The following BCAS3 variants were observed in gnomAD, a reference collection of about 807,000 sequenced individuals.
The protein encoded by BCAS3 is BCAS4/BCAS3 fusion.
A neutral mutation model predicts 116.1 loss-of-function variants in BCAS3; 53 were observed. The observed-to-expected ratio is 0.46, with a 90% CI of 0.37 to 0.57. The LOEUF (loss-of-function observed/expected upper bound fraction) is 0.57, where lower values mean the gene tolerates loss of function less well. BCAS3 is among the 20% of genes least tolerant of loss of function. BCAS3 has a pLI of 0.00. For synonymous variants in BCAS3, 391 were observed against 408.2 expected (o/e 0.96, Z 0.51); for missense variants, 917 against 1,165.4 (o/e 0.79, Z 3.10).
chr17:60,805,058 TAC>T (rs760769619), intron 6 of BCAS3, among the ~76,000 whole-genome samples: 129 of 149,452 alleles, frequency 8.6e-4, no homozygotes, highest in Non-Finnish European at 1.3e-3. Flanking sequence ...CTTAAGTAAA[TAC>T]ACACACACAC....
At chr17:61,119,581 T>C (rs1389389898) in intron 22 of BCAS3, among the ~76,000 whole-genome samples, 1 of 152,090 alleles carries the variant, frequency 6.6e-6, no homozygotes, top group East Asian at 1.9e-4. Context: ...TCATATTTAA[T>C]ATGAAATACT....
At chr17:61,070,516 G>T (rs2071324828) in intron 19 of BCAS3, among the ~76,000 whole-genome samples, 2 of 150,718 alleles carry the variant, frequency 1.3e-5, no homozygotes, top group South Asian at 4.2e-4. Flanking sequence ...TGTAATTTCA[G>T]ATGATTCAAT....
At chr17:61,094,618 C>A (rs1374102161) in intron 22 of BCAS3, among the ~76,000 whole-genome samples, 1 of 152,122 alleles carries the variant, frequency 6.6e-6, no homozygotes, top group Non-Finnish European at 1.5e-5. Flanking sequence ...GAGGCCAAGG[C>A]GGGTGGATCA....
At chr17:61,119,383 T>C (rs2075665326) in intron 22 of BCAS3, among the ~76,000 whole-genome samples, 1 of 152,164 alleles carries the variant, frequency 6.6e-6, no homozygotes, top group Non-Finnish European at 1.5e-5. Flanking sequence ...TCCCATATTA[T>C]AAAATATATT....
intron 14 of BCAS3, among the ~76,000 whole-genome samples, chr17:60,974,702 T>C (rs1320807795): frequency 1.3e-5 from 2 of 152,198 alleles, no homozygotes; most frequent in African/African-American, 4.8e-5. Flanking sequence ...ATTTAATGAA[T>C]GGTAAATTAC....
intron 4 of BCAS3, among the ~76,000 whole-genome samples, chr17:60,707,328 A>G (rs1005312401): frequency 2.0e-5 from 3 of 151,280 alleles, no homozygotes; most frequent in African/African-American, 7.3e-5. Context: ...GGGTTTCGCC[A>G]TGTTGCCCAG....
At chr17:60,744,564 C>T (rs570083915) in intron 5 of BCAS3, among the ~76,000 whole-genome samples, 4 of 152,174 alleles carry the variant, frequency 2.6e-5, no homozygotes, top group South Asian at 4.1e-4. Context: ...GTTCTCTCCT[C>T]GAGGAAGTTT....
chr17:60,841,766 C>G (rs1162942465), intron 7 of BCAS3, among the ~76,000 whole-genome samples: 1 of 151,936 alleles, frequency 6.6e-6, no homozygotes, highest in Non-Finnish European at 1.5e-5. Context: ...GAGTAAAGGT[C>G]TCATCTGAGG....
At chr17:61,176,138 CAAAAAAAAAAAAAA>C (rs534042215) in intron 22 of BCAS3, among the ~76,000 whole-genome samples, 1 of 50,046 alleles carries the variant, frequency 2.0e-5, no homozygotes, top group African/African-American at 6.6e-5. Context: ...GACCCTATCT[CAAAAAAAAAAAAAA>C]AAAAAAAAAG....
chr17:60,905,830 A>G (rs1353831463), intron 11 of BCAS3, among the ~76,000 whole-genome samples: 1 of 152,190 alleles, frequency 6.6e-6, no homozygotes, highest in African/African-American at 2.4e-5. Flanking sequence ...TGAGGAGGTC[A>G]TGTTTGATTT....
chr17:60,856,545 G>A (rs1240546873), intron 7 of BCAS3, among the ~76,000 whole-genome samples: 2 of 152,032 alleles, frequency 1.3e-5, no homozygotes, highest in Non-Finnish European at 2.9e-5. Flanking sequence ...AAAAAAATTA[G>A]CCAGGTGTGG....
chr17:60,728,632 G>T (rs994163382), intron 5 of BCAS3, among the ~76,000 whole-genome samples: 8 of 151,578 alleles, frequency 5.3e-5, no homozygotes, highest in Non-Finnish European at 8.8e-5. Flanking sequence ...GGTGCCCGCC[G>T]CCATGCCCAG....
chr17:60,932,464 G>A (rs192049409), intron 13 of BCAS3, among the ~76,000 whole-genome samples: 5 of 152,256 alleles, frequency 3.3e-5, no homozygotes, highest in Admixed American at 2.0e-4. Flanking sequence ...TTGTCTGGCC[G>A]GGCACGGTGG....
intron 7 of BCAS3, among the ~76,000 whole-genome samples, chr17:60,827,070 A>G (rs963846040): frequency 1.3e-5 from 2 of 152,234 alleles, no homozygotes; most frequent in Non-Finnish European, 2.9e-5. Flanking sequence ...GAATAATGGA[A>G]CTAACAAGGG....
rs528854588 is a variant in BCAS3 at position 61,323,076 on chromosome 17, TA to T, written c.2426-45241del. On this transcript the variant is annotated intron_variant, in intron 22 of 23. Transcript: ENST00000407086. This position sits in a 1 kb window ranked among gnomAD's most constrained non-coding sequence, Gnocchi z 4.6. ...TGATTGAGCTGCTAAGCAGTTGGTT[TA>T]AAAAAAAAATGAAAGAAAAAGGAGA... Among the ~76,000 whole-genome samples the T allele has an allele frequency of 0.023, 3,461 of 149,310 alleles. 133 individuals are homozygous for T. The highest frequency in any genetic ancestry group is 0.079 in the African/African-American group (3,237 of 40,768).
At chr17:61,062,617 A>C (rs940233830) in intron 19 of BCAS3, among the ~76,000 whole-genome samples, 18 of 152,144 alleles carry the variant, frequency 1.2e-4, no homozygotes, top group Non-Finnish European at 2.9e-5. Context: ...ATATGAGGGG[A>C]CTTCAAAAAG....
At position 61,327,824 on chromosome 17, in the gene BCAS3, A is replaced by G. The variant is rs2055866020; in HGVS notation, c.2426-40503A>G. Among the ~76,000 whole-genome samples, 1 of 152,220 alleles carries G rather than the reference A, an allele frequency of 6.6e-6. No homozygotes were observed. Among genetic ancestry groups the G allele is most frequent in the Non-Finnish European group, 1.5e-5 (1 of 68,046 alleles). On this transcript the variant is annotated intron_variant, in intron 22 of 23. Coordinates refer to ENST00000407086, the MANE Select transcript of BCAS3 (RefSeq NM_017679.5). This position sits in a 1 kb window ranked among gnomAD's most constrained non-coding sequence, Gnocchi z 5.9. ...TGCGCCCTGCCCAAGATCTGACTGA[A>G]TAACACAAAGGTGACATCCAGTTCA...
intron 12 of BCAS3, among the ~76,000 whole-genome samples, chr17:60,920,646 A>G (rs984996087): frequency 1.3e-5 from 2 of 152,050 alleles, no homozygotes; most frequent in African/African-American, 4.8e-5. Flanking sequence ...CGAGGCAGGC[A>G]GATCACGAGG....
rs1056305737 is a variant in BCAS3, at chr17:61,347,795, A to G, written c.2426-20532A>G. On this transcript the variant is annotated intron_variant, in intron 22 of 23. Transcript: ENST00000407086. This position sits in a 1 kb window ranked among gnomAD's most constrained non-coding sequence, Gnocchi z 4.3. Reference sequence around the variant, plus strand: ...GGGGAGTGGTAGACTTTTCCGGCTGACCTAAGTCCTCAAAGATGAATAGGA... The same window carrying G: ...GGGGAGTGGTAGACTTTTCCGGCTGGCCTAAGTCCTCAAAGATGAATAGGA... Among the ~76,000 whole-genome samples, 1 of 152,280 alleles carries G rather than the reference A, an allele frequency of 6.6e-6. No homozygotes were observed. The highest frequency in any genetic ancestry group is 1.9e-4 in the East Asian group (1 of 5,168).
Sources: gnomAD v4.1 joint callset for allele counts (sites outside exome capture counted in the v4.1 genomes callset) on GRCh38, gnomAD v4.1.1 for gene constraint, Gnocchi (gnomAD v3.1) non-coding constraint, MANE v1.5 for transcripts, NCBI Gene and HGNC (gene_info 2026-07-23, HGNC 2026-07-21) for gene names.